The following DLC1 variants were observed in gnomAD, a reference collection of about 807,000 sequenced individuals.
DLC1 encodes rho GTPase-activating protein 7.
In DLC1, 54 loss-of-function variants were observed where a neutral mutation model predicts 140.3. That is an observed-to-expected ratio of 0.38 (90% CI 0.31 to 0.48). The LOEUF is 0.48. Ranked by LOEUF, DLC1 falls within the 20% of genes least tolerant of loss-of-function variation. The pLI is 0.96. For missense variants in DLC1, 2,536 were observed against 1,907.0 expected, an observed-to-expected ratio of 1.33 and a Z score of -6.14; for synonymous variants, 986 against 728.1, an observed-to-expected ratio of 1.35 and a Z score of -5.70.
chr8:13,165,792 G>A (rs534099587), intron 5 of DLC1, among the ~76,000 whole-genome samples: 5 of 152,218 alleles, frequency 3.3e-5, no homozygotes, highest in African/African-American at 9.6e-5. Flanking sequence ...TCAGTCTTGT[G>A]GCCTTGACTA....
At chr8:13,537,646 CTCTTTT>C (rs1563427094) in intron 1 of DLC1, among the ~76,000 whole-genome samples, 1 of 131,142 alleles carries the variant, frequency 7.6e-6, no homozygotes, top group African/African-American at 3.0e-5. Flanking sequence ...CAACAGCTAA[CTCTTTT>C]TTTTTTTTTT....
intron 4 of DLC1, among the ~76,000 whole-genome samples, chr8:13,358,120 A>G (rs76447945): frequency 0.023 from 3,521 of 152,330 alleles, 70 homozygotes; most frequent in South Asian, 0.081. Context: ...GTTTTGCTTT[A>G]TAACAAATAT....
chr8:13,324,478 G>A (rs984838341), intron 4 of DLC1, among the ~76,000 whole-genome samples: 8 of 149,956 alleles, frequency 5.3e-5, no homozygotes, highest in African/African-American at 2.0e-4. Flanking sequence ...TGAGGCAGGA[G>A]AATGGCGTGA....
chr8:13,452,595 T>C (rs1799118391), intron 2 of DLC1, among the ~76,000 whole-genome samples: 1 of 152,246 alleles, frequency 6.6e-6, no homozygotes, highest in Non-Finnish European at 1.5e-5. Flanking sequence ...CTTTGTTTTC[T>C]GACTTGAGCT....
intron 5 of DLC1, among the ~76,000 whole-genome samples, chr8:13,165,373 G>C (rs919143590): frequency 6.6e-6 from 1 of 152,166 alleles, no homozygotes; most frequent in Admixed American, 6.5e-5. Context: ...AGAGGTTTTC[G>C]CGTGACACAC....
intron 5 of DLC1, among the ~76,000 whole-genome samples, chr8:13,189,876 C>G (rs1462280972): frequency 9.8e-6 from 1 of 102,528 alleles, no homozygotes; most frequent in South Asian, 4.0e-4. Flanking sequence ...GAGCGAAACT[C>G]CATCCCAGAA....
At chr8:13,363,553 G>A (rs900229033) in intron 4 of DLC1, among the ~76,000 whole-genome samples, 1 of 151,978 alleles carries the variant, frequency 6.6e-6, no homozygotes. Context: ...TACACAGAAG[G>A]CATGAGAGAG....
At chr8:13,567,346 T>A (rs1346244522) in intron 1 of DLC1, 1 of 1,551,672 alleles carries the variant, frequency 6.4e-7, no homozygotes, top group African/African-American at 1.4e-5. Context: ...AGATGAAGAA[T>A]TGAATGCCCT....
intron 2 of DLC1, among the ~76,000 whole-genome samples, chr8:13,450,029 A>G (rs1200228652): frequency 6.6e-6 from 1 of 152,192 alleles, no homozygotes; most frequent in Non-Finnish European, 1.5e-5. Flanking sequence ...AGTATGCACC[A>G]TTAAAATTGC....
In DLC1 at chr8:13,164,844, A is replaced by G. The variant is rs189774434; in HGVS notation, c.1349-49187T>C. ...CAATTCAGTGGAATTGCCTTAAACT[A>G]TATTAGTGAAAATGGAGTTGTGATG... is the stretch of plus-strand genomic sequence containing the variant. On this transcript the variant is annotated intron_variant, in intron 5 of 17. Transcript: ENST00000276297. Among the ~76,000 whole-genome samples, 101 of 152,310 alleles carry G rather than the reference A, an allele frequency of 6.6e-4. 1 individual carries two copies. Among genetic ancestry groups the G allele is most frequent in the Non-Finnish European group, 1.5e-4 (10 of 68,036 alleles).
At chr8:13,330,528 C>A (rs1833542151) in intron 4 of DLC1, among the ~76,000 whole-genome samples, 1 of 152,140 alleles carries the variant, frequency 6.6e-6, no homozygotes, top group Non-Finnish European at 1.5e-5. Flanking sequence ...GAGCTCTGAG[C>A]AAATATTAAT....
At chr8:13,128,149 T>C (rs1013856726) in intron 5 of DLC1, among the ~76,000 whole-genome samples, 1 of 152,178 alleles carries the variant, frequency 6.6e-6, no homozygotes, top group African/African-American at 2.4e-5. Flanking sequence ...AAGGATGTAA[T>C]AGTTCACTTT....
At chr8:13,372,860 A>C (rs138301331) in intron 4 of DLC1, among the ~76,000 whole-genome samples, 240 of 152,300 alleles carry the variant, frequency 1.6e-3, no homozygotes, top group African/African-American at 5.3e-3. Context: ...AATTTATAAT[A>C]AATGTTCTTT....
intron 5 of DLC1, among the ~76,000 whole-genome samples, chr8:13,236,932 G>C (rs545823541): frequency 2.0e-5 from 3 of 151,964 alleles, no homozygotes; most frequent in African/African-American, 7.2e-5. Flanking sequence ...AAATAACTTG[G>C]TGTCTCTAAA....
At chr8:13,319,482 G>C (rs111769405) in intron 4 of DLC1, among the ~76,000 whole-genome samples, 6 of 114,834 alleles carry the variant, frequency 5.2e-5, no homozygotes, top group African/African-American at 1.3e-4. Flanking sequence ...GGCGGGGGGG[G>C]GGGGTGGATT....
rs1181153965 is a variant in DLC1 at position 13,221,730 on chromosome 8, A to G, written c.1348+83539T>C. Among the ~76,000 whole-genome samples, 14 of 135,720 alleles carry G rather than the reference A, an allele frequency of 1.0e-4. No homozygotes were observed. The South Asian group carries it at 1.4e-3, about 14-fold the overall frequency. The allele number at this position is 135,720 out of a possible 152,430, so 89.0% of individuals were successfully genotyped here. ...TGTGTATATGTGTGTGTGTGTGTAT[A>G]TATATATATATATATGATAAACCAT... is the stretch of plus-strand genomic sequence containing the variant. On this transcript the variant is annotated intron_variant, in intron 5 of 17. Coordinates refer to ENST00000276297, the MANE Select transcript of DLC1 (RefSeq NM_182643.3).
intron 5 of DLC1, among the ~76,000 whole-genome samples, chr8:13,117,052 G>C (rs1406993099): frequency 2.0e-5 from 3 of 152,050 alleles, no homozygotes; most frequent in Non-Finnish European, 4.4e-5. Context: ...TTTTTCGTAT[G>C]TGTATATCCA....
At chr8:13,154,966 A>G (rs1410791538) in intron 5 of DLC1, among the ~76,000 whole-genome samples, 1 of 152,214 alleles carries the variant, frequency 6.6e-6, no homozygotes, top group Non-Finnish European at 1.5e-5. Flanking sequence ...GGAATTGAAT[A>G]AACTCAAAAG....
At chr8:13,330,315 C>A (rs1021807545) in intron 4 of DLC1, among the ~76,000 whole-genome samples, 3 of 152,136 alleles carry the variant, frequency 2.0e-5, no homozygotes, top group Non-Finnish European at 4.4e-5. Context: ...CATCTGATAT[C>A]AAAATAACCC....
Sources: gnomAD v4.1 joint callset for allele counts (sites outside exome capture counted in the v4.1 genomes callset) on GRCh38, gnomAD v4.1.1 for gene constraint, MANE v1.5 for transcripts, NCBI Gene and HGNC (gene_info 2026-07-23, HGNC 2026-07-21) for gene names.